Variants in COMMD10 observed in about 807,000 individuals in gnomAD.
COMMD10 encodes the protein COMM domain containing 10, also known as COMM domain-containing protein 10.
COMMD10 carries 33 observed loss-of-function variants against 28.9 expected under a neutral mutation model. The observed-to-expected ratio is 1.14, with a 90% CI of 0.87 to 1.53. The LOEUF (loss-of-function observed/expected upper bound fraction) is 1.53, where lower values mean the gene tolerates loss of function less well. Among genes scored for constraint, COMMD10 ranks in the 40% most tolerant of loss-of-function variants. COMMD10 has a pLI of 0.00. For synonymous variants in COMMD10, 110 were observed against 81.7 expected (o/e 1.35, Z -1.87); for missense variants, 310 against 233.4 (o/e 1.33, Z -2.14).
intron 5 of COMMD10, among the ~76,000 whole-genome samples, chr5:116,278,749 G>C (rs1750984575): frequency 6.6e-6 from 1 of 151,860 alleles, no homozygotes; most frequent in African/African-American, 2.4e-5. Flanking sequence ...AAAAGCATTT[G>C]CCTTAACCAG....
At chr5:116,146,995 T>G (rs975713030) in intron 5 of COMMD10, among the ~76,000 whole-genome samples, 1 of 151,922 alleles carries the variant, frequency 6.6e-6, no homozygotes, top group Non-Finnish European at 1.5e-5. Context: ...CTTTAAGGAT[T>G]TAATCAGATC....
intron 5 of COMMD10, among the ~76,000 whole-genome samples, chr5:116,234,595 C>T (rs560384677): frequency 1.3e-5 from 2 of 152,202 alleles, no homozygotes; most frequent in South Asian, 2.1e-4. Flanking sequence ...AAGTAAAATT[C>T]AGTGTTCAAA....
chr5:116,098,736 A>G (rs975604571), intron 4 of COMMD10, among the ~76,000 whole-genome samples: 1 of 152,178 alleles, frequency 6.6e-6, no homozygotes, highest in Admixed American at 6.5e-5. Context: ...TCTGAATTCA[A>G]AGAGGGTAAG....
At chr5:116,098,326 C>A (rs1750532028) in intron 4 of COMMD10, among the ~76,000 whole-genome samples, 1 of 152,158 alleles carries the variant, frequency 6.6e-6, no homozygotes, top group African/African-American at 2.4e-5. Flanking sequence ...ATGACTTTAA[C>A]TGTTTTATGG....
chr5:116,253,322 TC>T (rs1271426520), intron 5 of COMMD10, among the ~76,000 whole-genome samples: 4 of 143,584 alleles, frequency 2.8e-5, no homozygotes, highest in African/African-American at 1.1e-4. Flanking sequence ...GGCCAGAACT[TC>T]CAACACTATG....
intron 4 of COMMD10, among the ~76,000 whole-genome samples, chr5:116,096,937 C>G (rs1359378591): frequency 6.6e-6 from 1 of 151,612 alleles, no homozygotes; most frequent in Non-Finnish European, 1.5e-5. Flanking sequence ...TAATAGTAGC[C>G]TGTTTTCTGT....
chr5:116,237,699 A>G lies in COMMD10; in HGVS notation c.511-53818A>G, dbSNP rs543095472. ...GAAGTACTCTTAGGAAATATTTCAC[A>G]TGAGCAGGTATTATCTTTAATCTGC... On this transcript the variant is annotated intron_variant, in intron 5 of 6. Transcript: ENST00000274458. Among the ~76,000 whole-genome samples the G allele has an allele frequency of 3.9e-5, 6 of 152,294 alleles. No individual in the cohort carries two copies. In the East Asian group the frequency reaches 1.2e-3, roughly 29 times the overall value.
At chr5:116,125,837 A>T (rs1751611426) in intron 4 of COMMD10, among the ~76,000 whole-genome samples, 1 of 152,066 alleles carries the variant, frequency 6.6e-6, no homozygotes, top group Non-Finnish European at 1.5e-5. Flanking sequence ...AATGGGCAAA[A>T]ACTGGAAGCA....
At position 116,244,032 on chromosome 5, in the gene COMMD10, T is replaced by TAC. The variant is rs530310811; in HGVS notation, c.511-47475_511-47474dup. 1.1e-4 allele frequency among the ~76,000 whole-genome samples: 16 copies of TAC among 152,202 alleles called. No homozygotes were observed. The East Asian group carries it at 2.1e-3, about 20-fold the overall frequency. On this transcript the variant is annotated intron_variant, in intron 5 of 6. Transcript: ENST00000274458. ...AAGCTGTTTCTACTAAAGATGTCTA[T>TAC]ACACACACACATATTATATATCTAT...
intron 4 of COMMD10, among the ~76,000 whole-genome samples, chr5:116,121,176 C>A (rs548307260): frequency 1.1e-4 from 17 of 151,928 alleles, no homozygotes; most frequent in African/African-American, 4.1e-4. Flanking sequence ...GTTCCCCTTC[C>A]TCTGTCCAAG....
intron 5 of COMMD10, among the ~76,000 whole-genome samples, chr5:116,165,878 A>G (rs1753073877): frequency 6.6e-6 from 1 of 152,164 alleles, no homozygotes; most frequent in East Asian, 1.9e-4. Context: ...CTATAACATG[A>G]ATTTTGGGGT....
At chr5:116,132,016 G>A (rs1751878324) in intron 4 of COMMD10, among the ~76,000 whole-genome samples, 1 of 151,934 alleles carries the variant, frequency 6.6e-6, no homozygotes, top group African/African-American at 2.4e-5. Context: ...TATTTTGTAG[G>A]TAGTAAGGAG....
At chr5:116,208,299 G>A (rs1304774996) in intron 5 of COMMD10, among the ~76,000 whole-genome samples, 2 of 152,052 alleles carry the variant, frequency 1.3e-5, no homozygotes, top group South Asian at 2.1e-4. Context: ...TCCAAGTCCT[G>A]TGTAACCTTT....
At chr5:116,148,064 A>G (rs1241021899) in intron 5 of COMMD10, among the ~76,000 whole-genome samples, 2 of 151,850 alleles carry the variant, frequency 1.3e-5, no homozygotes, top group Non-Finnish European at 2.9e-5. Context: ...ATTTATTCAA[A>G]TAGTCCTTCA....
intron 5 of COMMD10, among the ~76,000 whole-genome samples, chr5:116,259,588 T>C (rs1285260977): frequency 6.6e-6 from 1 of 151,720 alleles, no homozygotes; most frequent in East Asian, 1.9e-4. Context: ...CTGAACAGTC[T>C]TGGTGGCTGG....
chr5:116,221,530 CTAGT>C (rs1165242899), intron 5 of COMMD10, among the ~76,000 whole-genome samples: 6 of 152,096 alleles, frequency 3.9e-5, no homozygotes, highest in African/African-American at 1.4e-4. Flanking sequence ...GGTTACATTG[CTAGT>C]TAGTTACAGA....
At chr5:116,118,711 A>G (rs10079176) in intron 4 of COMMD10, among the ~76,000 whole-genome samples, 76,465 of 151,910 alleles carry the variant, frequency 0.5, 21,848 homozygotes, top group Non-Finnish European at 0.65. Flanking sequence ...GTGAAAATAT[A>G]GAAAGAATTG....
chr5:116,250,278 A>G (rs1750071708), intron 5 of COMMD10, among the ~76,000 whole-genome samples: 1 of 151,810 alleles, frequency 6.6e-6, no homozygotes, highest in African/African-American at 2.4e-5. Context: ...GGTTTTCTTA[A>G]TATGCATTTG....
At chr5:116,245,317 A>C (rs1749913055) in intron 5 of COMMD10, among the ~76,000 whole-genome samples, 1 of 152,072 alleles carries the variant, frequency 6.6e-6, no homozygotes, top group Non-Finnish European at 1.5e-5. Flanking sequence ...ATCTCTAAAC[A>C]GACAATATCA....
Sources: allele counts gnomAD v4.1 joint callset (sites outside exome capture counted in the v4.1 genomes callset), GRCh38; gene constraint gnomAD v4.1.1; transcripts MANE v1.5; gene names NCBI Gene and HGNC (gene_info 2026-07-23, HGNC 2026-07-21).